Variants in NRXN3 observed in about 807,000 individuals in gnomAD.
The protein encoded by NRXN3 is neurexin 3, also known as neurexin III.
Under a neutral mutation model 137.6 loss-of-function variants are expected in NRXN3, and 32 were observed. The observed-to-expected ratio is 0.23, with a 90% CI of 0.18 to 0.31. The LOEUF (loss-of-function observed/expected upper bound fraction) is 0.31, where lower values mean the gene tolerates loss of function less well. Among genes scored for constraint, NRXN3 ranks in the 10% least tolerant of loss-of-function variants. The pLI is 1.00. For synonymous variants in NRXN3, 798 were observed against 784.5 expected, an observed-to-expected ratio of 1.02 and a Z score of -0.29; for missense variants, 1,574 against 2,062.5, an observed-to-expected ratio of 0.76 and a Z score of 4.59.
chr14:78,382,900 C>G (rs2089374321), intron 4 of NRXN3, among the ~76,000 whole-genome samples: 1 of 152,144 alleles, frequency 6.6e-6, no homozygotes. Flanking sequence ...GATCTGAGAT[C>G]ACACTGCAGG....
chr14:78,275,563 A>G (rs531639682), intron 2 of NRXN3, among the ~76,000 whole-genome samples: 1 of 152,326 alleles, frequency 6.6e-6, no homozygotes, highest in South Asian at 2.1e-4. Flanking sequence ...GGTAACAAAA[A>G]TGGAATATGG....
intron 16 of NRXN3, among the ~76,000 whole-genome samples, chr14:79,504,641 T>TATATATATATATATATATATATA (rs1555491923): frequency 1.0e-5 from 1 of 97,876 alleles, no homozygotes; most frequent in African/African-American, 3.7e-5. Context: ...ATGAAGTTTT[T>TATATATATATATATATATATATA]TATATATATA....
intron 4 of NRXN3, among the ~76,000 whole-genome samples, chr14:78,315,601 A>C (rs568509638): frequency 3.9e-5 from 6 of 152,304 alleles, no homozygotes; most frequent in African/African-American, 1.2e-4. Context: ...TTATACGTAG[A>C]TTTTTGTTGT....
chr14:78,245,878 G>A (rs971888833), intron 2 of NRXN3, among the ~76,000 whole-genome samples: 1 of 152,180 alleles, frequency 6.6e-6, no homozygotes, highest in African/African-American at 2.4e-5. Flanking sequence ...GGGAGAAGGG[G>A]TGGGGAAGAG....
chr14:79,163,075 A>G (rs1295144543), intron 15 of NRXN3, among the ~76,000 whole-genome samples: 1 of 151,792 alleles, frequency 6.6e-6, no homozygotes, highest in Non-Finnish European at 1.5e-5. Flanking sequence ...ATGGGTCTTT[A>G]TGGGCTTCAC....
chr14:78,840,299 G>A (rs1323433677), intron 10 of NRXN3, among the ~76,000 whole-genome samples: 1 of 152,162 alleles, frequency 6.6e-6, no homozygotes, highest in African/African-American at 2.4e-5. Flanking sequence ...CAAAATCACA[G>A]TCTTTGTCCT....
chr14:78,452,988 A>G (rs1172366417), intron 4 of NRXN3, among the ~76,000 whole-genome samples: 2 of 152,242 alleles, frequency 1.3e-5, no homozygotes, highest in Non-Finnish European at 2.9e-5. Context: ...TTTTCTTTAG[A>G]AAGTATAAAA....
intron 14 of NRXN3, among the ~76,000 whole-genome samples, chr14:78,978,932 G>C (rs1339688820): frequency 6.6e-6 from 1 of 151,876 alleles, no homozygotes; most frequent in African/African-American, 2.4e-5. Flanking sequence ...GAAGTGGCAT[G>C]ATAGTGTAAG....
chr14:78,526,611 A>G (rs535574374), intron 4 of NRXN3, among the ~76,000 whole-genome samples: 7 of 152,212 alleles, frequency 4.6e-5, no homozygotes, highest in Non-Finnish European at 1.0e-4. Context: ...TTTTTCAGTA[A>G]AAATGGAGCA....
chr14:78,597,878 T>C (rs2097170755), intron 4 of NRXN3, among the ~76,000 whole-genome samples: 1 of 152,150 alleles, frequency 6.6e-6, no homozygotes, highest in Non-Finnish European at 1.5e-5. Flanking sequence ...CACGGCTAGT[T>C]GATCCCTCTT....
At chr14:78,435,959 G>T (rs2094050463) in intron 4 of NRXN3, among the ~76,000 whole-genome samples, 1 of 152,200 alleles carries the variant, frequency 6.6e-6, no homozygotes, top group African/African-American at 2.4e-5. Context: ...GTATTTTAAG[G>T]GAATATGACA....
At chr14:79,065,850 G>A (rs1162777949) in intron 15 of NRXN3, among the ~76,000 whole-genome samples, 1 of 151,980 alleles carries the variant, frequency 6.6e-6, no homozygotes, top group African/African-American at 2.4e-5. Flanking sequence ...AGTATGTTCA[G>A]ATTTGTTACC....
intron 1 of NRXN3, among the ~76,000 whole-genome samples, chr14:78,222,879 G>A (rs893540085): frequency 6.6e-6 from 1 of 152,194 alleles, no homozygotes; most frequent in Non-Finnish European, 1.5e-5. Context: ...TATACCCAGT[G>A]CTAGCAGCAC....
chr14:79,616,581 C>A (rs1172313674), intron 16 of NRXN3, among the ~76,000 whole-genome samples: 4 of 152,020 alleles, frequency 2.6e-5, no homozygotes, highest in Admixed American at 2.6e-4. Context: ...ACCTGGGTAG[C>A]AAAATAATCT....
At chr14:79,817,141 C>T (rs2099254061) in intron 20 of NRXN3, among the ~76,000 whole-genome samples, 1 of 152,156 alleles carries the variant, frequency 6.6e-6, no homozygotes, top group African/African-American at 2.4e-5. Flanking sequence ...CAACCTCCAC[C>T]TCCCGGATTC....
intron 4 of NRXN3, among the ~76,000 whole-genome samples, chr14:78,593,258 A>G (rs1051256083): frequency 2.6e-5 from 4 of 152,232 alleles, no homozygotes; most frequent in Admixed American, 2.6e-4. Context: ...ATTTAAAGAC[A>G]TATTAACATC....
chr14:79,123,999 T>A (rs774840466), intron 15 of NRXN3, among the ~76,000 whole-genome samples: 11 of 152,070 alleles, frequency 7.2e-5, no homozygotes, highest in Non-Finnish European at 1.6e-4. Context: ...CCCCACTCCA[T>A]CCCATATCAC....
At chr14:78,912,070 T>A (rs542674666) in intron 10 of NRXN3, among the ~76,000 whole-genome samples, 3 of 151,250 alleles carry the variant, frequency 2.0e-5, no homozygotes, top group Admixed American at 6.6e-5. Context: ...TCCCTCCCCC[T>A]GCCCCCCATC....
At chr14:79,221,129 A>ACATT (rs1192926118) in intron 15 of NRXN3, among the ~76,000 whole-genome samples, 1 of 152,148 alleles carries the variant, frequency 6.6e-6, no homozygotes, top group Non-Finnish European at 1.5e-5. Context: ...TATATGTGCC[A>ACATT]CATTTTCTTT....
Sources: gnomAD v4.1 joint callset for allele counts (sites outside exome capture counted in the v4.1 genomes callset) on GRCh38, gnomAD v4.1.1 for gene constraint, MANE v1.5 for transcripts, NCBI Gene and HGNC (gene_info 2026-07-23, HGNC 2026-07-21) for gene names.